PYY: variants seen among roughly 807,000 people sequenced by gnomAD.
PYY encodes the protein peptide YY.
A neutral mutation model predicts 10.3 loss-of-function variants in PYY; 12 were observed. That is an observed-to-expected ratio of 1.17 (90% CI 0.75 to 1.89). PYY has a LOEUF of 1.89. PYY is among the 40% of genes most tolerant of loss of function. The pLI, the probability that PYY is intolerant of heterozygous loss-of-function variation, is 0.00. For missense variants in PYY, 141 were observed against 134.0 expected (o/e 1.05, Z -0.26); for synonymous variants, 66 against 62.0 (o/e 1.06, Z -0.30).
chr17:43,972,266 T>C (rs2048799870), intron 1 of PYY, among the ~76,000 whole-genome samples: 1 of 151,582 alleles, frequency 6.6e-6, no homozygotes, highest in African/African-American at 2.4e-5. Flanking sequence ...CAGGCTGGAG[T>C]GCAGTGGCGT....
At chr17:43,959,577 G>A (rs994438356) in intron 2 of PYY, among the ~76,000 whole-genome samples, 9 of 152,222 alleles carry the variant, frequency 5.9e-5, no homozygotes, top group African/African-American at 1.7e-4. Context: ...AGCTACTTGC[G>A]AGACTGAGGC....
At chr17:43,963,630 A>AAGAAAG (rs2048734368) in intron 2 of PYY, among the ~76,000 whole-genome samples, 3 of 145,238 alleles carry the variant, frequency 2.1e-5, no homozygotes, top group African/African-American at 7.7e-5. Flanking sequence ...AAGAAAGAGA[A>AAGAAAG]AGAAAGAAAA....
intron 1 of PYY, among the ~76,000 whole-genome samples, chr17:43,977,505 C>G (rs904804285): frequency 1.3e-5 from 2 of 152,048 alleles, no homozygotes; most frequent in Non-Finnish European, 2.9e-5. Flanking sequence ...GCAGGTGTTC[C>G]GGCACCTGCC....
chr17:43,958,237 A>C (rs1195280863), upstream of PYY, among the ~76,000 whole-genome samples: 2 of 151,414 alleles, frequency 1.3e-5, no homozygotes, highest in Non-Finnish European at 2.9e-5. Context: ...CATGTCATAA[A>C]ATTTTTTTAG....
intron 1 of PYY, among the ~76,000 whole-genome samples, chr17:43,978,692 A>C (rs1376581591): frequency 6.6e-6 from 1 of 152,198 alleles, no homozygotes; most frequent in Admixed American, 6.5e-5. Flanking sequence ...GAACTTCTCT[A>C]TAGGACTTGC....
intron 1 of PYY, among the ~76,000 whole-genome samples, chr17:43,978,469 A>G (rs1731444779): frequency 6.6e-6 from 1 of 152,128 alleles, no homozygotes; most frequent in South Asian, 2.1e-4. Context: ...CAGTCTGGAC[A>G]ATGTAGCGAG....
intron 1 of PYY, among the ~76,000 whole-genome samples, chr17:43,989,711 G>A (rs1047362804): frequency 1.3e-5 from 2 of 149,656 alleles, no homozygotes; most frequent in African/African-American, 4.9e-5. Flanking sequence ...GGAGGCTGAG[G>A]TGAGAGGATC....
intron 2 of PYY, among the ~76,000 whole-genome samples, chr17:43,962,070 TC>T (rs2048716123): frequency 6.6e-6 from 1 of 152,126 alleles, no homozygotes; most frequent in South Asian, 2.1e-4. Flanking sequence ...TTCCCCTTCT[TC>T]TCTTACAATA....
At chr17:43,962,836 G>T (rs1334191727) in intron 2 of PYY, among the ~76,000 whole-genome samples, 1 of 152,152 alleles carries the variant, frequency 6.6e-6, no homozygotes, top group African/African-American at 2.4e-5. Context: ...GGGCACCAAT[G>T]CCCTCGTTCA....
chr17:43,974,476 GTC>G (rs1384933380), intron 1 of PYY, among the ~76,000 whole-genome samples: 1 of 152,126 alleles, frequency 6.6e-6, no homozygotes, highest in African/African-American at 2.4e-5. Flanking sequence ...TGTTCACCCA[GTC>G]TCTGTGGTGT....
chr17:43,994,891 G>C (rs762472475), intron 1 of PYY, among the ~76,000 whole-genome samples: 2 of 152,180 alleles, frequency 1.3e-5, no homozygotes, highest in East Asian at 3.9e-4. Flanking sequence ...GGGGAAAGGC[G>C]GTAAGCATGA....
intron 1 of PYY, among the ~76,000 whole-genome samples, chr17:43,976,462 T>C (rs932494648): frequency 7.0e-5 from 10 of 143,828 alleles, no homozygotes; most frequent in Admixed American, 1.4e-4. Context: ...TACATATATA[T>C]ACACACACAC....
intron 1 of PYY, among the ~76,000 whole-genome samples, chr17:43,981,216 T>C (rs1006202101): frequency 5.3e-5 from 8 of 152,090 alleles, no homozygotes; most frequent in Admixed American, 4.6e-4. Flanking sequence ...TATACACACG[T>C]CTGTTGAGTA....
intron 1 of PYY, among the ~76,000 whole-genome samples, chr17:43,981,492 T>A (rs1161155365): frequency 6.6e-6 from 1 of 151,930 alleles, no homozygotes; most frequent in African/African-American, 2.4e-5. Context: ...TTCATGGTTT[T>A]GTTTGTTTGT....
rs1174890162 is a variant in PYY, at chr17:43,989,809, TAAAAAAAAAAAAAAAAAAAA to T, written c.-463+14562_-463+14581del. Among the ~76,000 whole-genome samples, 85 of 10,500 alleles carry T rather than the reference TAAAAAAAAAAAAAAAAAAAA, an allele frequency of 8.1e-3. 4 individuals carry two copies. The highest frequency in any genetic ancestry group is 0.012 in the Admixed American group (5 of 430). The allele number at this position is 10,500 out of a possible 152,430, so 6.9% of individuals were successfully genotyped here. On this transcript the variant is annotated intron_variant, in intron 1 of 6. Coordinates refer to the PYY transcript ENST00000360085. ...GAGACAGACCAAGAGGCTGTCTCTTTAAAAAAAAAAAAAAAAAAAAAAAAAAAAAAAAAAATATATATATA... is the reference window on the plus strand; with the variant it reads ...GAGACAGACCAAGAGGCTGTCTCTTTAAAAAAAAAAAAAAATATATATATA...
chr17:43,967,030 C>T (rs370178146), intron 1 of PYY, among the ~76,000 whole-genome samples: 1 of 152,144 alleles, frequency 6.6e-6, no homozygotes, highest in Non-Finnish European at 1.5e-5. Context: ...AGGCCAGACG[C>T]GGTGGCTCAC....
At chr17:43,966,063 T>G (rs560471483) in intron 2 of PYY, among the ~76,000 whole-genome samples, 54 of 152,266 alleles carry the variant, frequency 3.5e-4, no homozygotes, top group African/African-American at 1.3e-3. Flanking sequence ...AGTCCACTGT[T>G]TCTAGACATA....
intron 1 of PYY, among the ~76,000 whole-genome samples, chr17:43,983,456 CG>C (rs1388876635): frequency 6.6e-6 from 1 of 152,188 alleles, no homozygotes; most frequent in Non-Finnish European, 1.5e-5. Context: ...CTGCTGAGAA[CG>C]GGAAGCTGGA....
chr17:43,984,256 C>A (rs963433982), intron 1 of PYY, among the ~76,000 whole-genome samples: 4 of 152,186 alleles, frequency 2.6e-5, no homozygotes, highest in Non-Finnish European at 5.9e-5. Flanking sequence ...CTCGGCCTGG[C>A]CGAACCCGGT....
Sources: gnomAD v4.1 joint callset for allele counts (sites outside exome capture counted in the v4.1 genomes callset) on GRCh38, gnomAD v4.1.1 for gene constraint, MANE v1.5 for transcripts, NCBI Gene and HGNC (gene_info 2026-07-23, HGNC 2026-07-21) for gene names.